The following RBFOX1 variants were observed in gnomAD, a reference collection of about 807,000 sequenced individuals.
The protein encoded by RBFOX1 is RNA binding protein fox-1 homolog 1.
Under a neutral mutation model 57.7 loss-of-function variants are expected in RBFOX1, and 8 were observed. The ratio of observed to expected loss-of-function variants is 0.14; its 90% CI spans 0.08 to 0.25. The LOEUF is 0.25. RBFOX1 is among the 10% of genes least tolerant of loss of function. The pLI is 1.00. For synonymous variants in RBFOX1, 326 were observed against 222.4 expected (o/e 1.47, Z -4.15); for missense variants, 611 against 548.5 (o/e 1.11, Z -1.14).
chr16:5,278,908 G>A (rs2063204908), intron 1 of RBFOX1, among the ~76,000 whole-genome samples: 1 of 151,484 alleles, frequency 6.6e-6, no homozygotes, highest in Non-Finnish European at 1.5e-5. Flanking sequence ...TAAATACGTG[G>A]ATTCATTTCT....
intron 4 of RBFOX1, among the ~76,000 whole-genome samples, chr16:7,205,186 C>T (rs1275224570): frequency 1.3e-5 from 2 of 151,968 alleles, no homozygotes; most frequent in Admixed American, 6.6e-5. Context: ...ATGAGGCTTG[C>T]TCGATGAATA....
chr16:7,698,186 GTGT>G (rs1568529591), intron 14 of RBFOX1, among the ~76,000 whole-genome samples: 18 of 103,328 alleles, frequency 1.7e-4, no homozygotes, highest in African/African-American at 3.5e-4. Flanking sequence ...CCAAGAGGGT[GTGT>G]GTGTGTGTGT....
At chr16:7,127,967 G>C (rs1390296864) in intron 4 of RBFOX1, among the ~76,000 whole-genome samples, 1 of 152,218 alleles carries the variant, frequency 6.6e-6, no homozygotes, top group Non-Finnish European at 1.5e-5. Context: ...GTCCGAAAGA[G>C]GCTGGGTTCA....
chr16:5,508,151 C>G (rs4293388), intron 2 of RBFOX1, among the ~76,000 whole-genome samples: 3 of 152,190 alleles, frequency 2.0e-5, no homozygotes, highest in Admixed American at 6.5e-5. Context: ...AGTAAAGTTT[C>G]TGTGTGCTGG....
chr16:5,641,913 C>T (rs1490872759), intron 3 of RBFOX1, among the ~76,000 whole-genome samples: 1 of 152,138 alleles, frequency 6.6e-6, no homozygotes, highest in Non-Finnish European at 1.5e-5. Flanking sequence ...GGCTATGATG[C>T]ATATGTCACT....
intron 3 of RBFOX1, among the ~76,000 whole-genome samples, chr16:6,999,440 T>C (rs1013829437): frequency 2.2e-4 from 34 of 151,542 alleles, no homozygotes; most frequent in African/African-American, 7.7e-4. Context: ...TTTTTAATTT[T>C]TATTTTTTAT....
intron 3 of RBFOX1, among the ~76,000 whole-genome samples, chr16:6,978,494 T>A (rs1434655197): frequency 6.6e-6 from 1 of 152,204 alleles, no homozygotes; most frequent in Non-Finnish European, 1.5e-5. Flanking sequence ...GTTGTATTAT[T>A]ATCTCCATTT....
intron 9 of RBFOX1, among the ~76,000 whole-genome samples, chr16:7,599,086 C>A (rs985328628): frequency 2.0e-5 from 3 of 152,182 alleles, no homozygotes; most frequent in African/African-American, 7.2e-5. Flanking sequence ...CTTTGTCAAC[C>A]AAGACATGCC....
chr16:6,382,354 G>T (rs1189019842), intron 2 of RBFOX1, among the ~76,000 whole-genome samples: 2 of 152,324 alleles, frequency 1.3e-5, no homozygotes, highest in East Asian at 3.9e-4. Context: ...AAGAAAGAAG[G>T]TGTGTAAGTT....
At chr16:7,416,133 G>A (rs536217696) in intron 4 of RBFOX1, among the ~76,000 whole-genome samples, 1 of 152,148 alleles carries the variant, frequency 6.6e-6, no homozygotes, top group Non-Finnish European at 1.5e-5. Flanking sequence ...ATTCCATGGA[G>A]CTGTAATATT....
At chr16:6,752,916 G>A (rs1391405904) in intron 3 of RBFOX1, among the ~76,000 whole-genome samples, 1 of 151,806 alleles carries the variant, frequency 6.6e-6, no homozygotes, top group Non-Finnish European at 1.5e-5. Context: ...CTTCCTGTTG[G>A]CAATATGTTT....
At chr16:5,881,118 G>T (rs2057750406) in intron 4 of RBFOX1, among the ~76,000 whole-genome samples, 1 of 152,254 alleles carries the variant, frequency 6.6e-6, no homozygotes, top group South Asian at 2.1e-4. Context: ...TCCTATCGAA[G>T]TTCACGGACT....
intron 4 of RBFOX1, among the ~76,000 whole-genome samples, chr16:7,330,068 G>T (rs1453188175): frequency 6.6e-6 from 1 of 152,060 alleles, no homozygotes; most frequent in Non-Finnish European, 1.5e-5. Context: ...AATATAATCT[G>T]ATGTGACCAG....
chr16:5,262,118 G>A (rs1227535855), intron 1 of RBFOX1, among the ~76,000 whole-genome samples: 4 of 152,288 alleles, frequency 2.6e-5, no homozygotes, highest in African/African-American at 9.6e-5. Flanking sequence ...TTAATATTTG[G>A]GGTTAGCAGG....
chr16:5,532,436 G>A lies in RBFOX1; in HGVS notation c.258+65182G>A, dbSNP rs144778920. Among the ~76,000 whole-genome samples, 461 of 152,250 alleles carry A rather than the reference G, an allele frequency of 3.0e-3. 6 individuals carry two copies. Among genetic ancestry groups the A allele is most frequent in the African/African-American group, 0.01 (428 of 41,530 alleles). On this transcript the variant is annotated intron_variant, in intron 2 of 2. Coordinates refer to the RBFOX1 transcript ENST00000585867. ...GATGCAGAATCTCAGGCCCTGACCC[G>A]GACTCACTGATCTGAACCTGCATTT...
chr16:5,558,389 C>T (rs2045761032), intron 2 of RBFOX1, among the ~76,000 whole-genome samples: 1 of 152,082 alleles, frequency 6.6e-6, no homozygotes, highest in Admixed American at 6.5e-5. Flanking sequence ...CACCACCTAC[C>T]CATCTGCAAG....
intron 14 of RBFOX1, among the ~76,000 whole-genome samples, chr16:7,683,735 C>A (rs952590622): frequency 6.6e-6 from 1 of 152,070 alleles, no homozygotes; most frequent in East Asian, 1.9e-4. Context: ...CAGAACCCTT[C>A]AGCTGTGAAG....
intron 1 of RBFOX1, among the ~76,000 whole-genome samples, chr16:6,064,846 C>G (rs1370898722): frequency 6.6e-6 from 1 of 151,900 alleles, no homozygotes; most frequent in Non-Finnish European, 1.5e-5. Context: ...ATTTCCAAAC[C>G]TGACATTGTA....
intron 3 of RBFOX1, among the ~76,000 whole-genome samples, chr16:6,787,042 T>C (rs2082084937): frequency 6.6e-6 from 1 of 152,116 alleles, no homozygotes; most frequent in South Asian, 2.1e-4. Flanking sequence ...AGAAATACAT[T>C]AGTTGATTTG....
Sources: gnomAD v4.1 joint callset for allele counts (sites outside exome capture counted in the v4.1 genomes callset) on GRCh38, gnomAD v4.1.1 for gene constraint, MANE v1.5 for transcripts, NCBI Gene and HGNC (gene_info 2026-07-23, HGNC 2026-07-21) for gene names.